Variants in ASTN2 observed in about 807,000 individuals in gnomAD.
ASTN2 encodes astrotactin-2.
ASTN2 carries 54 observed loss-of-function variants against 139.8 expected under a neutral mutation model. That is an observed-to-expected ratio of 0.39 (90% CI 0.31 to 0.48). The LOEUF (loss-of-function observed/expected upper bound fraction) is 0.48, where lower values mean the gene tolerates loss of function less well. Among genes scored for constraint, ASTN2 ranks in the 20% least tolerant of loss-of-function variants. The pLI is 0.95. For synonymous variants in ASTN2, 756 were observed against 719.5 expected (o/e 1.05, Z -0.81); for missense variants, 1,565 against 1,725.1 (o/e 0.91, Z 1.64).
chr9:117,156,845 T>C (rs555030097), intron 3 of ASTN2, among the ~76,000 whole-genome samples: 4 of 152,058 alleles, frequency 2.6e-5, no homozygotes, highest in Non-Finnish European at 5.9e-5. Context: ...TGTGGTTTAG[T>C]AGTTGTAGAG....
intron 2 of ASTN2, among the ~76,000 whole-genome samples, chr9:117,242,528 G>A (rs572262436): frequency 2.0e-5 from 3 of 152,270 alleles, no homozygotes; most frequent in South Asian, 2.1e-4. Context: ...AAGCATAATA[G>A]TATAACTATC....
intron 20 of ASTN2, among the ~76,000 whole-genome samples, chr9:116,465,792 T>C (rs1848631728): frequency 2.0e-5 from 3 of 152,122 alleles, no homozygotes; most frequent in Non-Finnish European, 2.9e-5. Flanking sequence ...GGCTGTGTTT[T>C]AGGCGAGATG....
At chr9:116,487,954 T>C (rs987805987) in intron 19 of ASTN2, among the ~76,000 whole-genome samples, 1 of 152,212 alleles carries the variant, frequency 6.6e-6, no homozygotes, top group Non-Finnish European at 1.5e-5. Flanking sequence ...ATAATTTTCA[T>C]GTCAAATTGC....
chr9:117,060,328 AAGAAAGAAAGAAAGAG>A (rs1479309810), intron 5 of ASTN2, among the ~76,000 whole-genome samples: 1,715 of 80,908 alleles, frequency 0.021, 222 homozygotes, highest in South Asian at 0.061. Context: ...AAAAGAAAGA[AAGAAAGAAAGAAAGAG>A]AGAAAGAAAG....
intron 2 of ASTN2, among the ~76,000 whole-genome samples, chr9:117,232,438 C>T (rs986899830): frequency 2.6e-5 from 4 of 152,098 alleles, no homozygotes; most frequent in African/African-American, 9.7e-5. Context: ...ACCAGCTGCC[C>T]TCCAAAAGCA....
At chr9:116,569,491 TC>T (rs1160351959) in intron 19 of ASTN2, among the ~76,000 whole-genome samples, 1 of 152,202 alleles carries the variant, frequency 6.6e-6, no homozygotes, top group Non-Finnish European at 1.5e-5. Flanking sequence ...CTAGACAATC[TC>T]AAGTGTTCCT....
chr9:117,280,431 T>C (rs1006970690), intron 2 of ASTN2, among the ~76,000 whole-genome samples: 1 of 152,178 alleles, frequency 6.6e-6, no homozygotes, highest in African/African-American at 2.4e-5. Context: ...AAATCTTATG[T>C]ATAACAATCT....
intron 3 of ASTN2, among the ~76,000 whole-genome samples, chr9:117,157,360 C>G (rs1047199870): frequency 1.3e-5 from 2 of 151,978 alleles, no homozygotes; most frequent in African/African-American, 4.8e-5. Flanking sequence ...GCCAATCATC[C>G]AGGTGGCATT....
At chr9:116,528,832 C>A (rs901396505) in intron 19 of ASTN2, among the ~76,000 whole-genome samples, 1 of 152,158 alleles carries the variant, frequency 6.6e-6, no homozygotes, top group Non-Finnish European at 1.5e-5. Flanking sequence ...GTGCAAGCCC[C>A]ACGTCTTGGT....
chr9:116,886,192 T>A (rs1361280812), intron 10 of ASTN2, among the ~76,000 whole-genome samples: 1 of 152,198 alleles, frequency 6.6e-6, no homozygotes, highest in Non-Finnish European at 1.5e-5. Flanking sequence ...CAGGTCTGGT[T>A]TGCTCTGTCA....
At chr9:117,181,086 A>G (rs970719583) in intron 3 of ASTN2, 12 of 1,147,090 alleles carry the variant, frequency 1.0e-5, no homozygotes, top group Non-Finnish European at 1.6e-5. Context: ...ATGGTCCCTT[A>G]AAGCAACCCA....
At position 116,697,769 on chromosome 9, in the gene ASTN2, G is replaced by T; in HGVS notation, c.2806+28002C>A. On this transcript the variant is annotated intron_variant, in intron 16 of 22. Transcript: ENST00000313400. ...TGGCTGCAGCAGCAGCTTCTCACCT[G>T]AACCTGGATGCCCTCCGGGAAGTGC... The T allele has an allele frequency of 2.5e-6, 4 of 1,614,088 alleles. No homozygotes were observed. Among genetic ancestry groups the T allele is most frequent in the Non-Finnish European group, 2.5e-6 (3 of 1,180,042 alleles).
At chr9:117,182,437 G>A (rs1831098473) in intron 3 of ASTN2, among the ~76,000 whole-genome samples, 1 of 151,960 alleles carries the variant, frequency 6.6e-6, no homozygotes, top group African/African-American at 2.4e-5. Flanking sequence ...TCACACCAAG[G>A]ATGACCCAGG....
chr9:116,840,159 T>C (rs375766247), intron 11 of ASTN2, among the ~76,000 whole-genome samples: 2 of 147,976 alleles, frequency 1.4e-5, no homozygotes, highest in African/African-American at 2.6e-5. Context: ...CCTGAGTGGA[T>C]ACAGCACATG....
chr9:116,883,659 T>G (rs1833514376), intron 10 of ASTN2, among the ~76,000 whole-genome samples: 1 of 152,088 alleles, frequency 6.6e-6, no homozygotes, highest in Admixed American at 6.5e-5. Context: ...GGCATGGAGG[T>G]TGCAGATGCA....
chr9:116,957,731 A>AGTG (rs1249315039), intron 10 of ASTN2, among the ~76,000 whole-genome samples: 1 of 152,184 alleles, frequency 6.6e-6, no homozygotes, highest in Non-Finnish European at 1.5e-5. Flanking sequence ...ACCAGGCTAG[A>AGTG]GTGCAGTGGT....
intron 2 of ASTN2, among the ~76,000 whole-genome samples, chr9:117,255,382 AG>A (rs1161704362): frequency 6.6e-6 from 1 of 152,220 alleles, no homozygotes; most frequent in Non-Finnish European, 1.5e-5. Context: ...TACACACAGA[AG>A]CACTTTTAAC....
At position 116,609,379 on chromosome 9, in the gene ASTN2, G is replaced by GTATATATA. The variant is rs56938236; in HGVS notation, c.3355+8937_3355+8944dup. Reference sequence around the variant, plus strand: ...ATATACATGAATTATATATATGGGTGTATATATATATATATATATATATAT... The same window carrying GTATATATA: ...ATATACATGAATTATATATATGGGTGTATATATATATATATATATATATATATATATAT... On this transcript the variant is annotated intron_variant, in intron 19 of 22. Coordinates refer to ENST00000313400, the MANE Select transcript of ASTN2 (RefSeq NM_001365068.1). 9.7e-3 allele frequency among the ~76,000 whole-genome samples: 1,129 copies of GTATATATA among 116,656 alleles called. 31 individuals carry two copies. Among genetic ancestry groups the GTATATATA allele is most frequent in the African/African-American group, 0.03 (925 of 30,806 alleles). The allele number at this position is 116,656 out of a possible 152,430, so 76.5% of individuals were successfully genotyped here.
chr9:116,922,224 A>G (rs1376333655), intron 10 of ASTN2, among the ~76,000 whole-genome samples: 1 of 152,216 alleles, frequency 6.6e-6, no homozygotes, highest in Non-Finnish European at 1.5e-5. Flanking sequence ...TCCCTAAGCT[A>G]TGCCTGAATA....
Sources: gnomAD v4.1 joint callset for allele counts (sites outside exome capture counted in the v4.1 genomes callset) on GRCh38, gnomAD v4.1.1 for gene constraint, MANE v1.5 for transcripts, NCBI Gene and HGNC (gene_info 2026-07-23, HGNC 2026-07-21) for gene names.